The following BICD2 variants were observed in gnomAD, a reference collection of about 807,000 sequenced individuals.
BICD2 encodes protein bicaudal D homolog 2.
BICD2 carries 25 observed loss-of-function variants against 72.9 expected under a neutral mutation model. The observed-to-expected ratio is 0.34, with a 90% CI of 0.25 to 0.48. BICD2 has a LOEUF of 0.48. Ranked by LOEUF, BICD2 falls within the 20% of genes least tolerant of loss-of-function variation. BICD2 has a pLI of 0.99. For missense variants in BICD2, 894 were observed against 1,175.2 expected, an observed-to-expected ratio of 0.76 and a Z score of 3.50; for synonymous variants, 501 against 516.1, an observed-to-expected ratio of 0.97 and a Z score of 0.40.
intron 1 of BICD2, among the ~76,000 whole-genome samples, chr9:92,761,774 A>T (rs1385476939): frequency 1.3e-5 from 2 of 152,260 alleles, no homozygotes; most frequent in Admixed American, 6.5e-5. Flanking sequence ...AGGGAGAGGA[A>T]GGGAAAGGGC....
At position 92,729,136 on chromosome 9, in the gene BICD2, T is replaced by C; in HGVS notation, c.341A>G (p.Tyr114Cys). ...CTGCAGCTCTAGCACCTTCCGCACG[T>C]AGTACTGCTCCTTGGAGGCCGACTC... is the stretch of plus-strand genomic sequence containing the variant. ...IQESASKEQY[Y>C]VRKVLELQTE... Residue 114 changes from tyrosine to cysteine, a missense_variant, in exon 2 of 7, where the codon TAC (tyrosine) becomes TGC (cysteine). Tyr to Cys is a radical substitution (Grantham distance 194, BLOSUM62 -2). Around this residue, in one of 5 missense-constraint regions of BICD2, gnomAD observed 192 missense variants for 243.6 expected, o/e 0.79. Coordinates refer to ENST00000356884, the MANE Select transcript of BICD2 (RefSeq NM_001003800.2). 3 of 1,614,250 alleles carry C rather than the reference T, an allele frequency of 1.9e-6. No homozygotes were observed. The highest frequency in any genetic ancestry group is 2.5e-6 in the Non-Finnish European group (3 of 1,180,050).
rs536407842 is a variant in BICD2 at position 92,760,373 on chromosome 9, G to A, written c.240+4132C>T. ...GGTCCACGCCTCCACATGCTGGCAG[G>A]GCTGGCCTGGAGCACACCATCCGCA... On this transcript the variant is annotated intron_variant, in intron 1 of 6. Transcript: ENST00000356884. Among the ~76,000 whole-genome samples the A allele has an allele frequency of 1.4e-3, 216 of 152,296 alleles. 1 individual carries two copies. Among genetic ancestry groups the A allele is most frequent in the African/African-American group, 5.0e-3 (206 of 41,550 alleles).
chr9:92,727,954 G>GT (rs1285030050), intron 2 of BICD2, among the ~76,000 whole-genome samples: 1 of 152,166 alleles, frequency 6.6e-6, no homozygotes, highest in Admixed American at 6.5e-5. Context: ...TGCTCACACT[G>GT]TTTCCTCAGG....
intron 2 of BICD2, among the ~76,000 whole-genome samples, chr9:92,724,801 C>G (rs1032795470): frequency 3.9e-5 from 6 of 152,214 alleles, no homozygotes; most frequent in Non-Finnish European, 7.3e-5. Flanking sequence ...CACACCCAGG[C>G]TCTCCACACC....
chr9:92,734,757 C>A (rs1853744610), intron 1 of BICD2, among the ~76,000 whole-genome samples: 1 of 152,134 alleles, frequency 6.6e-6, no homozygotes, highest in South Asian at 2.1e-4. Flanking sequence ...TCACTGTGGG[C>A]CTCCTAGGCT....
chr9:92,726,948 T>C (rs998844649), intron 2 of BICD2, among the ~76,000 whole-genome samples: 1 of 152,188 alleles, frequency 6.6e-6, no homozygotes, highest in African/African-American at 2.4e-5. Flanking sequence ...GGGCAGAATG[T>C]GCTGGGCTGG....
In BICD2 at chr9:92,718,746, G is replaced by C. The variant is rs1224745301; in HGVS notation, c.1899C>G (p.Ile633Met). The change falls in exon 5 of 7, where the codon ATC becomes ATG. Residue 633 changes from isoleucine (I) to methionine (M), a missense_variant. Ile to Met is a conservative substitution (Grantham distance 10, BLOSUM62 1). Around this residue, in one of 5 missense-constraint regions of BICD2, gnomAD observed 321 missense variants for 443.9 expected, o/e 0.72. Coordinates refer to ENST00000356884, the MANE Select transcript of BICD2 (RefSeq NM_001003800.2). ...GCAGGTGCTTGATCTGGTCACGGAT[G>C]ATAGCGATCAGGTTGTAGATGTTCA... Reference protein sequence around the residue: ...EPMNIYNLIAIIRDQIKHLQA... With the variant: ...EPMNIYNLIAMIRDQIKHLQA... 6.2e-7 allele frequency: 1 copy of C among 1,613,984 alleles called. No homozygotes were observed. The highest frequency in any genetic ancestry group is 8.5e-7 in the Non-Finnish European group (1 of 1,180,016).
At chr9:92,728,606 A>C (rs1466058638) in intron 2 of BICD2, among the ~76,000 whole-genome samples, 1 of 152,178 alleles carries the variant, frequency 6.6e-6, no homozygotes. Flanking sequence ...TTGTGTTCTT[A>C]TTACAGCTGG....
chr9:92,762,443 T>C (rs977863447), intron 1 of BICD2, among the ~76,000 whole-genome samples: 1 of 152,160 alleles, frequency 6.6e-6, no homozygotes, highest in African/African-American at 2.4e-5. Flanking sequence ...GAAACATTCT[T>C]ATCCCACCTT....
intron 1 of BICD2, among the ~76,000 whole-genome samples, chr9:92,762,201 A>C (rs369565007): frequency 7.4e-4 from 113 of 152,292 alleles, no homozygotes; most frequent in African/African-American, 2.2e-3. Context: ...GAGAAAAAAA[A>C]CCCCACAATT....
intron 1 of BICD2, among the ~76,000 whole-genome samples, chr9:92,736,153 G>C (rs542020757): frequency 3.3e-5 from 5 of 152,304 alleles, no homozygotes; most frequent in Non-Finnish European, 7.4e-5. Flanking sequence ...AGGTCATAAA[G>C]ACATAAAACA....
rs1853228848 is a variant in BICD2, at chr9:92,713,277, T to C, written c.*1877A>G. The C allele has an allele frequency of 4.2e-6, 3 of 709,340 alleles. No individual in the cohort carries two copies. Among genetic ancestry groups the C allele is most frequent in the African/African-American group, 3.6e-5 (2 of 55,834 alleles). 43.9% of individuals were successfully genotyped at this position (709,340 alleles called of 1,614,324 possible). A position where few individuals can be genotyped will look rare whatever the true frequency, so the allele number is the denominator to read the frequency against. On this transcript the variant is annotated 3_prime_UTR_variant, in exon 7 of 7. Coordinates refer to ENST00000356884, the MANE Select transcript of BICD2 (RefSeq NM_001003800.2). ...GCAGCATGCTCAACATTAAAGCTTT[T>C]TTTCCTCCCATTAAAAACCTGGGGA... is the stretch of plus-strand genomic sequence containing the variant.
Position 92,764,687 on chromosome 9 carries a change from C to A in BICD2, c.58G>T (p.Glu20Ter). ...CGCTTCACCTCGGCGCGCAGCCACT[C>A]CGGCTGCGCCTCCATCACCAGCCGC... is the stretch of plus-strand genomic sequence containing the variant. The part of the protein sequence containing the change: ...YARLVMEAQP[E>*]WLRAEVKRLS... The change falls in exon 1 of 7, where the codon GAG (glutamate) becomes TAG (stop). Residue 20 changes from glutamate to a stop codon, truncating the protein, a stop_gained. Coordinates refer to ENST00000356884, the MANE Select transcript of BICD2 (RefSeq NM_001003800.2). LOFTEE classifies it high-confidence loss of function. This position sits in a 1 kb window ranked among gnomAD's most constrained non-coding sequence, Gnocchi z 5.5. 1 of 1,589,170 alleles carries A rather than the reference C, an allele frequency of 6.3e-7. No homozygotes were observed. The highest frequency in any genetic ancestry group is 8.5e-7 in the Non-Finnish European group (1 of 1,172,658).
chr9:92,734,947 C>T (rs1853751373), intron 1 of BICD2, among the ~76,000 whole-genome samples: 1 of 152,222 alleles, frequency 6.6e-6, no homozygotes, highest in Admixed American at 6.5e-5. Context: ...CAAGTTCCTA[C>T]CCTCCTGGCC....
chr9:92,761,064 A>T (rs1033185168), intron 1 of BICD2, among the ~76,000 whole-genome samples: 1 of 152,166 alleles, frequency 6.6e-6, no homozygotes, highest in Non-Finnish European at 1.5e-5. Flanking sequence ...GGGCTCAGCA[A>T]GTCCAGAAGG....
intron 1 of BICD2, among the ~76,000 whole-genome samples, chr9:92,758,380 C>T (rs1430214551): frequency 6.7e-5 from 10 of 149,086 alleles, no homozygotes; most frequent in African/African-American, 2.0e-4. Flanking sequence ...GGAGAAACCT[C>T]GTCTCTACTA....
chr9:92,749,576 G>A (rs1203266087), intron 1 of BICD2, among the ~76,000 whole-genome samples: 2 of 152,202 alleles, frequency 1.3e-5, no homozygotes, highest in South Asian at 4.1e-4. Flanking sequence ...CCTGGGCAAC[G>A]TCCAAATGCT....
Position 92,713,979 on chromosome 9 carries a change from GA to G in BICD2, c.*1174del. On this transcript the variant is annotated 3_prime_UTR_variant, in exon 7 of 7. Transcript: ENST00000356884. ...CCAGCTGGTCCCACAGGGTGATCGGGAAAAAAGTACTGAGAAAAGTTCTGCT... is the reference window on the plus strand; with the variant it reads ...CCAGCTGGTCCCACAGGGTGATCGGGAAAAAGTACTGAGAAAAGTTCTGCT... 1 of 987,696 alleles carries G rather than the reference GA, an allele frequency of 1.0e-6. No individual in the cohort carries two copies. Among genetic ancestry groups the G allele is most frequent in the Non-Finnish European group, 1.2e-6 (1 of 831,298 alleles). 61.2% of individuals were successfully genotyped at this position (987,696 alleles called of 1,614,324 possible).
chr9:92,750,241 G>T (rs1369855011), intron 1 of BICD2, among the ~76,000 whole-genome samples: 1 of 152,204 alleles, frequency 6.6e-6, no homozygotes, highest in Non-Finnish European at 1.5e-5. Flanking sequence ...GAAGAGTCTG[G>T]CAGTTTCTCA....
Sources: allele counts gnomAD v4.1 joint callset (sites outside exome capture counted in the v4.1 genomes callset), GRCh38; gene constraint gnomAD v4.1.1; regional missense constraint gnomAD v4.1.1; non-coding constraint Gnocchi (gnomAD v3.1); transcripts MANE v1.5; gene names NCBI Gene and HGNC (gene_info 2026-07-23, HGNC 2026-07-21).